PRMT3: variants seen among roughly 807,000 people sequenced by gnomAD.
PRMT3 encodes protein arginine N-methyltransferase 3.
In PRMT3, 62 loss-of-function variants were observed where a neutral mutation model predicts 71.9. The observed-to-expected ratio is 0.86, with a 90% CI of 0.70 to 1.07. PRMT3 has a LOEUF of 1.07. PRMT3 is among the 50% of genes least tolerant of loss of function. The pLI is 0.00. For synonymous variants in PRMT3, 213 were observed against 220.4 expected, an observed-to-expected ratio of 0.97 and a Z score of 0.30; for missense variants, 663 against 643.0, an observed-to-expected ratio of 1.03 and a Z score of -0.34.
chr11:20,463,969 A>G (rs1850447452), intron 12 of PRMT3, among the ~76,000 whole-genome samples: 2 of 152,222 alleles, frequency 1.3e-5, no homozygotes, highest in Non-Finnish European at 1.5e-5. Context: ...ACTTATCTTC[A>G]ATTATAGACA....
At chr11:20,477,802 ACCC>A (rs147395508) in intron 13 of PRMT3, among the ~76,000 whole-genome samples, 172 of 116,552 alleles carry the variant, frequency 1.5e-3, no homozygotes, top group African/African-American at 5.0e-3. Flanking sequence ...CTTAGGAGAA[ACCC>A]CCCCCCCCCA....
chr11:20,466,023 C>T (rs10430902), intron 13 of PRMT3, among the ~76,000 whole-genome samples: 1 of 151,994 alleles, frequency 6.6e-6, no homozygotes, highest in African/African-American at 2.4e-5. Context: ...ATTTTCAGTG[C>T]CTATCACATG....
chr11:20,388,229 T>A (rs779155984), intron 2 of PRMT3, 75 bp downstream of exon 2: 10 of 1,596,662 alleles, frequency 6.3e-6, no homozygotes, highest in Non-Finnish European at 7.7e-6. Context: ...AGGAACGCCT[T>A]CGGGCGGGAG....
chr11:20,460,704 C>T (rs1488691228), intron 11 of PRMT3, among the ~76,000 whole-genome samples: 1 of 152,142 alleles, frequency 6.6e-6, no homozygotes, highest in African/African-American at 2.4e-5. Context: ...CTAAATGCTC[C>T]TGTTCCTTTT....
At chr11:20,476,207 G>A (rs897608942) in intron 13 of PRMT3, among the ~76,000 whole-genome samples, 1 of 151,670 alleles carries the variant, frequency 6.6e-6, no homozygotes. Flanking sequence ...AAAAATATTA[G>A]CCAGGCGTGA....
intron 10 of PRMT3, among the ~76,000 whole-genome samples, chr11:20,439,921 A>G (rs1480121389): frequency 6.6e-6 from 1 of 152,198 alleles, no homozygotes; most frequent in Non-Finnish European, 1.5e-5. Context: ...TACTTGTGCA[A>G]AGACTGACAA....
chr11:20,403,591 T>C (rs1240831286), intron 8 of PRMT3, among the ~76,000 whole-genome samples: 1 of 152,138 alleles, frequency 6.6e-6, no homozygotes, highest in African/African-American at 2.4e-5. Flanking sequence ...TTTTCTTCCT[T>C]ACACTTTTTT....
intron 13 of PRMT3, among the ~76,000 whole-genome samples, chr11:20,491,592 C>G (rs1228510491): frequency 6.6e-6 from 1 of 152,196 alleles, no homozygotes; most frequent in Admixed American, 6.5e-5. Context: ...GGCTGTCTTA[C>G]ACATACCTAG....
intron 13 of PRMT3, among the ~76,000 whole-genome samples, chr11:20,477,614 G>T (rs1176984371): frequency 6.6e-6 from 1 of 152,006 alleles, no homozygotes; most frequent in Non-Finnish European, 1.5e-5. Flanking sequence ...TGACGGGAGG[G>T]TATTTACTCT....
At chr11:20,449,916 T>C (rs1850111356) in intron 10 of PRMT3, among the ~76,000 whole-genome samples, 1 of 152,136 alleles carries the variant, frequency 6.6e-6, no homozygotes, top group Admixed American at 6.6e-5. Context: ...GGAGCTGATA[T>C]TTTAGTAAGG....
intron 9 of PRMT3, among the ~76,000 whole-genome samples, chr11:20,421,782 G>A (rs991769744): frequency 6.6e-6 from 1 of 151,774 alleles, no homozygotes; most frequent in Non-Finnish European, 1.5e-5. Context: ...TGTGGGCCCC[G>A]TGCTTGTTAA....
chr11:20,491,035 C>T (rs532296152), intron 13 of PRMT3, among the ~76,000 whole-genome samples: 53 of 152,238 alleles, frequency 3.5e-4, no homozygotes, highest in Middle Eastern at 3.4e-3. Context: ...GGTTCTATAA[C>T]ATGCATTTTA....
At chr11:20,485,696 C>G (rs1196910720) in intron 13 of PRMT3, among the ~76,000 whole-genome samples, 3 of 151,942 alleles carry the variant, frequency 2.0e-5, no homozygotes, top group African/African-American at 4.8e-5. Context: ...AACGTAGATA[C>G]AAGAAAAGGT....
At chr11:20,483,896 A>G (rs1851008275) in intron 13 of PRMT3, among the ~76,000 whole-genome samples, 1 of 152,214 alleles carries the variant, frequency 6.6e-6, no homozygotes, top group Non-Finnish European at 1.5e-5. Context: ...GAAGTAATTA[A>G]TTGTACAGAT....
At position 20,407,992 on chromosome 11, in the gene PRMT3, G is replaced by A. The variant is rs1162667068; in HGVS notation, c.853G>A (p.Asp285Asn). 1.9e-6 allele frequency: 3 copies of A among 1,597,682 alleles called. No homozygotes were observed. The highest frequency in any genetic ancestry group is 2.6e-6 in the Non-Finnish European group (3 of 1,165,518). ...TGGGGCGAAGAAGGTTCTTGGAGTT[G>A]ATCAATCTGAAATACTTTACCAGGC... Reference protein sequence around the residue: ...KAGAKKVLGVDQSEILYQAMD... With the variant: ...KAGAKKVLGVNQSEILYQAMD... Residue 285 changes from aspartate to asparagine, a missense_variant, in exon 9 of 16, where the codon GAT (aspartate) becomes AAT (asparagine). Asp to Asn is a conservative substitution (Grantham distance 23, BLOSUM62 1). Transcript: ENST00000331079.
chr11:20,438,460 A>G (rs1849811902), intron 10 of PRMT3, among the ~76,000 whole-genome samples: 1 of 152,034 alleles, frequency 6.6e-6, no homozygotes, highest in Non-Finnish European at 1.5e-5. Context: ...TCTACTTCCC[A>G]AGGAAAGGGG....
chr11:20,406,679 G>A (rs1487012022), intron 8 of PRMT3: 1 of 152,156 alleles, frequency 6.6e-6, no homozygotes, highest in African/African-American at 2.4e-5. Context: ...TGAAATTGCT[G>A]AGTCATATGG....
At chr11:20,478,937 G>A (rs1197965809) in intron 13 of PRMT3, among the ~76,000 whole-genome samples, 1 of 152,140 alleles carries the variant, frequency 6.6e-6, no homozygotes, top group African/African-American at 2.4e-5. Flanking sequence ...ACCTTACAAA[G>A]CTAATCAGCT....
At chr11:20,423,634 CAG>C (rs1391274777) in intron 9 of PRMT3, among the ~76,000 whole-genome samples, 1 of 152,034 alleles carries the variant, frequency 6.6e-6, no homozygotes, top group African/African-American at 2.4e-5. Context: ...AGTCACCTGT[CAG>C]AACAATTGTT....
Sources: allele counts gnomAD v4.1 joint callset (sites outside exome capture counted in the v4.1 genomes callset), GRCh38; gene constraint gnomAD v4.1.1; transcripts MANE v1.5; gene names NCBI Gene and HGNC (gene_info 2026-07-23, HGNC 2026-07-21).